TMIGD3: variants seen among roughly 807,000 people sequenced by gnomAD.
TMIGD3 encodes AD026 protein (AD026).
In TMIGD3, 21 loss-of-function variants were observed where a neutral mutation model predicts 28.1. That is an observed-to-expected ratio of 0.75 (90% CI 0.53 to 1.08). The LOEUF (loss-of-function observed/expected upper bound fraction) is 1.08. Among genes scored for constraint, TMIGD3 ranks in the 50% least tolerant of loss-of-function variants. The pLI, the probability that TMIGD3 is intolerant of heterozygous loss-of-function variation, is 0.00. For missense variants in TMIGD3, 416 were observed against 435.6 expected (o/e 0.96, Z 0.40); for synonymous variants, 151 against 162.1 (o/e 0.93, Z 0.52).
At chr1:111,492,834 G>C (rs1323725765) in intron 1 of TMIGD3, among the ~76,000 whole-genome samples, 1 of 136,724 alleles carries the variant, frequency 7.3e-6, no homozygotes, top group African/African-American at 2.7e-5. Flanking sequence ...AAAAAAAAAA[G>C]TATCTCTAAA....
intron 1 of TMIGD3, among the ~76,000 whole-genome samples, chr1:111,558,997 TCA>T (rs1187743141): frequency 6.6e-6 from 1 of 152,112 alleles, no homozygotes; most frequent in Non-Finnish European, 1.5e-5. Flanking sequence ...TTAAAAATAA[TCA>T]GTTTCCCAGA....
chr1:111,508,326 G>A (rs960015645), upstream of TMIGD3, among the ~76,000 whole-genome samples: 4 of 152,236 alleles, frequency 2.6e-5, no homozygotes, highest in Non-Finnish European at 4.4e-5. Flanking sequence ...GGTAGCGTCA[G>A]CTTCAAGTGT....
chr1:111,520,914 A>G (rs1009633338), intron 1 of TMIGD3, among the ~76,000 whole-genome samples: 1 of 152,248 alleles, frequency 6.6e-6, no homozygotes, highest in East Asian at 1.9e-4. Context: ...GTTTTGGCAT[A>G]TGTATACACC....
chr1:111,497,729 C>T (rs1405069681), intron 1 of TMIGD3, among the ~76,000 whole-genome samples: 1 of 152,162 alleles, frequency 6.6e-6, no homozygotes, highest in Non-Finnish European at 1.5e-5. Context: ...AGTTCTGAAA[C>T]TCAGAAGCTA....
intron 4 of TMIGD3, 53 bp downstream of exon 4, chr1:111,486,533 C>G (rs1654382073): frequency 1.4e-6 from 2 of 1,405,520 alleles, no homozygotes; most frequent in South Asian, 2.3e-5. Flanking sequence ...ACCCCAGCCC[C>G]TACCTCCACC....
intron 1 of TMIGD3, among the ~76,000 whole-genome samples, chr1:111,519,010 C>G (rs1240777393): frequency 6.6e-6 from 1 of 152,196 alleles, no homozygotes; most frequent in Non-Finnish European, 1.5e-5. Context: ...GTGATCTTGA[C>G]TCACCGCAAC....
intron 1 of TMIGD3, among the ~76,000 whole-genome samples, chr1:111,558,528 C>G (rs914755703): frequency 7.2e-5 from 11 of 152,158 alleles, no homozygotes; most frequent in African/African-American, 2.7e-4. Context: ...TCCACATTTG[C>G]TATTTATAAG....
chr1:111,487,865 G>A (rs1389366239), intron 3 of TMIGD3, among the ~76,000 whole-genome samples: 2 of 152,196 alleles, frequency 1.3e-5, no homozygotes, highest in African/African-American at 2.4e-5. Flanking sequence ...GTGCAGTGGT[G>A]CAATCACGGC....
In TMIGD3 at chr1:111,528,913, C is replaced by G. The variant is rs115007511; in HGVS notation, c.107+34933G>C. 8.4e-3 allele frequency among the ~76,000 whole-genome samples: 1,277 copies of G among 151,894 alleles called. 16 individuals are homozygous for G. Among genetic ancestry groups the G allele is most frequent in the South Asian group, 0.05 (241 of 4,824 alleles). ...GGTTATTAATTCTAGGAGGTTTTTT[C>G]CTGTTTATTCTTTGGAATTTTCTAT... On this transcript the variant is annotated intron_variant, in intron 1 of 5. Coordinates refer to the TMIGD3 transcript ENST00000369717.
chr1:111,535,060 A>G (rs1175725701), intron 1 of TMIGD3, among the ~76,000 whole-genome samples: 1 of 152,210 alleles, frequency 6.6e-6, no homozygotes, highest in African/African-American at 2.4e-5. Flanking sequence ...TATCAGCTTC[A>G]TGACAACCTA....
intron 1 of TMIGD3, among the ~76,000 whole-genome samples, chr1:111,528,441 G>A (rs1656342156): frequency 2.0e-5 from 3 of 152,118 alleles, no homozygotes; most frequent in Admixed American, 2.0e-4. Context: ...CTTGAAGTCA[G>A]GTAGTATCAG....
chr1:111,558,238 C>T (rs957293693), intron 1 of TMIGD3, among the ~76,000 whole-genome samples: 7 of 152,048 alleles, frequency 4.6e-5, no homozygotes, highest in Non-Finnish European at 8.8e-5. Flanking sequence ...AGTGCAGTGG[C>T]GCAATCTTGG....
intron 1 of TMIGD3, among the ~76,000 whole-genome samples, chr1:111,492,139 A>G (rs1654697128): frequency 6.6e-6 from 1 of 152,180 alleles, no homozygotes; most frequent in Non-Finnish European, 1.5e-5. Context: ...AATTCACCAG[A>G]CATGTGACAG....
intron 1 of TMIGD3, among the ~76,000 whole-genome samples, chr1:111,520,057 G>A (rs1656004235): frequency 6.6e-6 from 1 of 152,068 alleles, no homozygotes; most frequent in Admixed American, 6.5e-5. Flanking sequence ...TTAATATACT[G>A]TACATTAGCA....
intron 1 of TMIGD3, among the ~76,000 whole-genome samples, chr1:111,531,464 C>G (rs1345014529): frequency 6.6e-6 from 1 of 152,084 alleles, no homozygotes; most frequent in Non-Finnish European, 1.5e-5. Context: ...TTTATGTCTT[C>G]CATGTCTCTA....
chr1:111,533,228 A>C (rs1030078410), intron 1 of TMIGD3, among the ~76,000 whole-genome samples: 4 of 152,188 alleles, frequency 2.6e-5, no homozygotes, highest in African/African-American at 7.2e-5. Context: ...TTCATATTTA[A>C]GTGTGGGTTA....
chr1:111,558,559 G>A (rs1657606050), intron 1 of TMIGD3, among the ~76,000 whole-genome samples: 1 of 152,160 alleles, frequency 6.6e-6, no homozygotes, highest in African/African-American at 2.4e-5. Context: ...AGAACAAAGA[G>A]ACAAAGAAAG....
intron 3 of TMIGD3, among the ~76,000 whole-genome samples, chr1:111,486,920 G>A (rs915986059): frequency 6.6e-6 from 1 of 152,196 alleles, no homozygotes; most frequent in African/African-American, 2.4e-5. Context: ...CCTGAAGGAA[G>A]GGGCCCCTTT....
intron 1 of TMIGD3, among the ~76,000 whole-genome samples, chr1:111,561,992 T>C (rs1440727060): frequency 6.6e-6 from 1 of 152,156 alleles, no homozygotes; most frequent in East Asian, 1.9e-4. Flanking sequence ...CTGCTTACGA[T>C]AGAATTCAAA....
Sources: gnomAD v4.1 joint callset for allele counts (sites outside exome capture counted in the v4.1 genomes callset) on GRCh38, gnomAD v4.1.1 for gene constraint, MANE v1.5 for transcripts, NCBI Gene and HGNC (gene_info 2026-07-23, HGNC 2026-07-21) for gene names.